The following TMCO5A variants were observed in gnomAD, a reference collection of about 807,000 sequenced individuals.
TMCO5A encodes the protein transmembrane and coiled-coil domains 5A.
In TMCO5A, 34 loss-of-function variants were observed where a neutral mutation model predicts 42.3. The observed-to-expected ratio is 0.80, with a 90% CI of 0.61 to 1.07. TMCO5A has a LOEUF of 1.07. Ranked by LOEUF, TMCO5A falls within the 50% of genes least tolerant of loss-of-function variation. TMCO5A has a pLI of 0.00. For missense variants in TMCO5A, 357 were observed against 327.9 expected (o/e 1.09, Z -0.69); for synonymous variants, 131 against 115.6 (o/e 1.13, Z -0.86).
downstream of TMCO5A, among the ~76,000 whole-genome samples, chr15:37,968,930 G>A (rs1890620339): frequency 6.6e-6 from 1 of 152,086 alleles, no homozygotes; most frequent in South Asian, 2.1e-4. Flanking sequence ...AGTTCATATT[G>A]CTCATGATTT....
chr15:37,957,628 A>G (rs1890323782), intron 11 of TMCO5A, among the ~76,000 whole-genome samples: 1 of 152,168 alleles, frequency 6.6e-6, no homozygotes, highest in African/African-American at 2.4e-5. Context: ...ATGCTCATGG[A>G]TAGGAATAAT....
intron 11 of TMCO5A, among the ~76,000 whole-genome samples, chr15:37,958,241 G>T (rs1832399411): frequency 6.6e-6 from 1 of 152,052 alleles, no homozygotes; most frequent in Admixed American, 6.6e-5. Context: ...TAGGTAAATG[G>T]GATATATTTA....
At chr15:37,994,849 G>T in the TMCO5A span, 4 of 152,446 alleles carry the variant, frequency 2.6e-5, no homozygotes, top group East Asian at 7.7e-4. Flanking sequence ...TGGTGGGTGG[G>T]GAGGACTGTT....
chr15:38,039,370 T>C, the TMCO5A span, among the ~76,000 whole-genome samples: 1 of 152,240 alleles, frequency 6.6e-6, no homozygotes, highest in Non-Finnish European at 1.5e-5. Context: ...AACTACAGTA[T>C]AACATAAGCT....
chr15:38,025,286 A>G, the TMCO5A span, among the ~76,000 whole-genome samples: 2 of 151,786 alleles, frequency 1.3e-5, no homozygotes, highest in African/African-American at 2.4e-5. Context: ...TACCCCTTTC[A>G]TGGTCTTTTG....
At chr15:37,940,367 G>A (rs1319998070) in intron 6 of TMCO5A, among the ~76,000 whole-genome samples, 1 of 152,094 alleles carries the variant, frequency 6.6e-6, no homozygotes, top group Non-Finnish European at 1.5e-5. Flanking sequence ...CCAAATCTGT[G>A]ATAACCTCAT....
intron 11 of TMCO5A, among the ~76,000 whole-genome samples, chr15:37,960,639 T>A (rs1441840058): frequency 1.3e-5 from 2 of 152,178 alleles, no homozygotes; most frequent in Non-Finnish European, 1.5e-5. Context: ...TAGTTTACAT[T>A]CCAACCAGCA....
rs183989331 is a variant in TMCO5A at position 37,946,460 on chromosome 15, C to T, written c.628-1196C>T. Among the ~76,000 whole-genome samples the T allele has an allele frequency of 5.3e-5, 8 of 152,216 alleles. No individual in the cohort carries two copies. The East Asian group carries it at 1.5e-3, about 29-fold the overall frequency. ...CTAGAAATAACTTTGGACAGTATGGCCATTTTCATGATATTGATTCTTTCT... is the reference window on the plus strand; with the variant it reads ...CTAGAAATAACTTTGGACAGTATGGTCATTTTCATGATATTGATTCTTTCT... On this transcript the variant is annotated intron_variant, in intron 10 of 11. Coordinates refer to ENST00000319669, the MANE Select transcript of TMCO5A (RefSeq NM_152453.4).
the TMCO5A span, among the ~76,000 whole-genome samples, chr15:38,004,560 C>T: frequency 4.9e-3 from 739 of 152,274 alleles, 11 homozygotes; most frequent in African/African-American, 0.017. Context: ...ACTCAGGTTC[C>T]AACAGCCAGG....
the TMCO5A span, among the ~76,000 whole-genome samples, chr15:37,992,191 T>C: frequency 6.6e-6 from 1 of 152,140 alleles, no homozygotes; most frequent in African/African-American, 2.4e-5. Flanking sequence ...GCAAAGGACA[T>C]GAACACACAC....
chr15:37,964,572 C>A (rs1890512195), intron 11 of TMCO5A, among the ~76,000 whole-genome samples: 1 of 151,994 alleles, frequency 6.6e-6, no homozygotes, highest in Non-Finnish European at 1.5e-5. Flanking sequence ...CTCCCATCCA[C>A]CATGATGACC....
chr15:37,971,958 G>C (rs1339134792), downstream of TMCO5A, among the ~76,000 whole-genome samples: 1 of 152,130 alleles, frequency 6.6e-6, no homozygotes, highest in African/African-American at 2.4e-5. Flanking sequence ...CCTCCAAACT[G>C]TTCCAACCTC....
At chr15:37,937,194 C>A in intron 4 of TMCO5A, 152 bp from the exon 5 acceptor site, 1 of 1,082,864 alleles carries the variant, frequency 9.2e-7, no homozygotes, top group Non-Finnish European at 1.3e-6. Flanking sequence ...CTGTATTTCA[C>A]CTGTGGTTTG....
the TMCO5A span, among the ~76,000 whole-genome samples, chr15:38,014,327 C>T: frequency 6.6e-6 from 1 of 152,064 alleles, no homozygotes; most frequent in African/African-American, 2.4e-5. Context: ...TTCAAAACCT[C>T]CCTGCTCTGA....
intron 10 of TMCO5A, among the ~76,000 whole-genome samples, chr15:37,947,263 T>C (rs759987687): frequency 3.3e-5 from 5 of 152,056 alleles, no homozygotes; most frequent in Non-Finnish European, 7.4e-5. Context: ...TTAAGATATG[T>C]TTATATAGTT....
the TMCO5A span, among the ~76,000 whole-genome samples, chr15:38,034,725 TG>T: frequency 6.6e-6 from 1 of 152,130 alleles, no homozygotes; most frequent in African/African-American, 2.4e-5. Context: ...CATAAAACTG[TG>T]TTACCAATTG....
chr15:37,954,021 T>C (rs986154374), downstream of TMCO5A, among the ~76,000 whole-genome samples: 1 of 150,746 alleles, frequency 6.6e-6, no homozygotes, highest in Non-Finnish European at 1.5e-5. Context: ...TCAGAGGACA[T>C]AAAAGGAAAA....
chr15:37,946,414 T>C (rs552103488), intron 10 of TMCO5A, among the ~76,000 whole-genome samples: 1 of 152,304 alleles, frequency 6.6e-6, no homozygotes, highest in Admixed American at 6.5e-5. Flanking sequence ...CAATAGTAGT[T>C]TAATGTGAAT....
At chr15:38,018,306 G>A in the TMCO5A span, among the ~76,000 whole-genome samples, 1 of 152,156 alleles carries the variant, frequency 6.6e-6, no homozygotes, top group Non-Finnish European at 1.5e-5. Flanking sequence ...AGTAAAGAGC[G>A]TTAAAGCAAG....
Sources: gnomAD v4.1 joint callset for allele counts (sites outside exome capture counted in the v4.1 genomes callset) on GRCh38, gnomAD v4.1.1 for gene constraint, MANE v1.5 for transcripts, NCBI Gene and HGNC (gene_info 2026-07-23, HGNC 2026-07-21) for gene names.